The following EPS15 variants were observed in gnomAD, a reference collection of about 807,000 sequenced individuals.
The protein encoded by EPS15 is epidermal growth factor receptor substrate 15.
In EPS15, 72 loss-of-function variants were observed where a neutral mutation model predicts 113.8. That is an observed-to-expected ratio of 0.63 (90% CI 0.52 to 0.77). The LOEUF (loss-of-function observed/expected upper bound fraction) is 0.77, where lower values mean the gene tolerates loss of function less well. Among genes scored for constraint, EPS15 ranks in the 30% least tolerant of loss-of-function variants. The probability of loss-of-function intolerance (pLI) is 0.00; values close to 1 mark genes in which losing one functional copy is unlikely to be tolerated. For missense variants in EPS15, 1,048 were observed against 1,045.8 expected (o/e 1.00, Z -0.03); for synonymous variants, 344 against 363.4 (o/e 0.95, Z 0.61).
intron 1 of EPS15, among the ~76,000 whole-genome samples, chr1:51,482,969 CCA>C (rs1292208734): frequency 6.6e-6 from 1 of 152,194 alleles, no homozygotes. Context: ...GTTTCACTTT[CCA>C]CAGTTTTAGT....
chr1:51,476,594 CTTT>C (rs1355026649), intron 2 of EPS15, among the ~76,000 whole-genome samples: 1 of 151,984 alleles, frequency 6.6e-6, no homozygotes, highest in African/African-American at 2.4e-5. Context: ...CTCTTTTCTT[CTTT>C]ATTAGTCTTG....
chr1:51,493,472 C>T (rs1441585276), intron 1 of EPS15, among the ~76,000 whole-genome samples: 1 of 149,116 alleles, frequency 6.7e-6, no homozygotes, highest in South Asian at 2.2e-4. Flanking sequence ...TTGCAGTGAG[C>T]CGAGATCGCA....
intron 16 of EPS15, among the ~76,000 whole-genome samples, chr1:51,405,203 G>GA (rs1248385658): frequency 6.6e-6 from 1 of 152,194 alleles, no homozygotes; most frequent in Non-Finnish European, 1.5e-5. Context: ...CTGCTTGAAG[G>GA]AAAGACTGAG....
At chr1:51,460,072 C>G (rs1194238191) in intron 8 of EPS15, among the ~76,000 whole-genome samples, 1 of 151,926 alleles carries the variant, frequency 6.6e-6, no homozygotes, top group Non-Finnish European at 1.5e-5. Context: ...ATAAACTAGA[C>G]AAAATCAGAT....
intron 13 of EPS15, among the ~76,000 whole-genome samples, chr1:51,416,277 A>G (rs1447677138): frequency 6.6e-6 from 1 of 152,172 alleles, no homozygotes; most frequent in Non-Finnish European, 1.5e-5. Flanking sequence ...AGTGAATGAC[A>G]GAAGACATTT....
At chr1:51,507,877 G>A (rs1444868012) in intron 1 of EPS15, among the ~76,000 whole-genome samples, 2 of 151,878 alleles carry the variant, frequency 1.3e-5, no homozygotes, top group Non-Finnish European at 2.9e-5. Flanking sequence ...GAAGAATACT[G>A]GAAATGAAAA....
chr1:51,360,079 G>A lies in EPS15; in HGVS notation c.2544+1092C>T, dbSNP rs374862038. ...TGAGATTACAGGCGTGAGCCACCAC[G>A]CCCGGCCTGCATGCAGATTCTTGAC... On this transcript the variant is annotated intron_variant, in intron 24 of 24. Transcript: ENST00000371733. Among the ~76,000 whole-genome samples, 25 of 152,104 alleles carry A rather than the reference G, an allele frequency of 1.6e-4. 1 individual carries two copies. The East Asian group carries it at 3.1e-3, about 19-fold the overall frequency.
intron 12 of EPS15, among the ~76,000 whole-genome samples, chr1:51,433,155 A>C (rs190038421): frequency 6.6e-6 from 1 of 152,368 alleles, no homozygotes; most frequent in Non-Finnish European, 1.5e-5. Flanking sequence ...ATTTAGGAAC[A>C]CAGAATCTGG....
Position 51,403,410 on chromosome 1 carries a change from A to AT in EPS15, c.1791+8dup, listed in dbSNP as rs1387629450. 5 of 1,496,840 alleles carry AT rather than the reference A, an allele frequency of 3.3e-6. No homozygotes were observed. Among genetic ancestry groups the AT allele is most frequent in the African/African-American group, 1.4e-5 (1 of 72,342 alleles). 92.7% of individuals were successfully genotyped at this position (1,496,840 alleles called of 1,614,324 possible). ...AAGTCCCCAATGTAAATATAAAATC[A>AT]TTTTTTACCTCTTTTGAATGTCTAT... On this transcript the variant is annotated intron_variant, in intron 17 of 24. Transcript: ENST00000371733.
At chr1:51,453,321 A>G (rs1011214476) in intron 8 of EPS15, among the ~76,000 whole-genome samples, 6 of 152,350 alleles carry the variant, frequency 3.9e-5, no homozygotes, top group Non-Finnish European at 7.3e-5. Context: ...TTAAAAATAT[A>G]TATTATTAAT....
At chr1:51,423,183 T>TAGTGTTCCACTGCTGATTTA in intron 12 of EPS15, 3 of 1,287,072 alleles carry the variant, frequency 2.3e-6, no homozygotes. Flanking sequence ...TTTAAACATT[T>TAGTGTTCCACTGCTGATTTA]GAGATGGCCA....
At chr1:51,517,207 T>G (rs1644736441) in intron 1 of EPS15, among the ~76,000 whole-genome samples, 1 of 152,216 alleles carries the variant, frequency 6.6e-6, no homozygotes, top group African/African-American at 2.4e-5. Context: ...TGTTTTAAAA[T>G]CAGAATATTC....
chr1:51,369,685 G>A (rs1011165877), intron 21 of EPS15, among the ~76,000 whole-genome samples: 7 of 151,678 alleles, frequency 4.6e-5, no homozygotes, highest in Non-Finnish European at 7.4e-5. Flanking sequence ...ACGGTTTTTT[G>A]TGAAGGTGTA....
intron 11 of EPS15, among the ~76,000 whole-genome samples, chr1:51,442,127 GTTAAA>G (rs984010592): frequency 1.2e-4 from 19 of 152,166 alleles, no homozygotes; most frequent in African/African-American, 4.1e-4. Flanking sequence ...ACTTATCAGT[GTTAAA>G]TTAAATTAGA....
chr1:51,395,775 G>A (rs907423671), intron 20 of EPS15, among the ~76,000 whole-genome samples: 3 of 152,158 alleles, frequency 2.0e-5, no homozygotes, highest in African/African-American at 7.2e-5. Flanking sequence ...TTTTTAAGGG[G>A]CTAGATGAAA....
chr1:51,470,646 CAAAAA>C (rs10616476), intron 4 of EPS15, among the ~76,000 whole-genome samples: 1 of 72,990 alleles, frequency 1.4e-5, no homozygotes, highest in African/African-American at 4.4e-5. Flanking sequence ...GGCTCTGTCT[CAAAAA>C]AAAAAAAAAA....
intron 13 of EPS15, among the ~76,000 whole-genome samples, chr1:51,414,835 G>T (rs1650062051): frequency 1.3e-5 from 2 of 152,050 alleles, no homozygotes; most frequent in Non-Finnish European, 2.9e-5. Flanking sequence ...TGAATACAGA[G>T]GCATATACAG....
chr1:51,509,913 A>G (rs913118447), intron 1 of EPS15, among the ~76,000 whole-genome samples: 18 of 152,332 alleles, frequency 1.2e-4, no homozygotes, highest in Admixed American at 5.2e-4. Flanking sequence ...TTAAAAATGC[A>G]GACTCATTCA....
chr1:51,450,645 C>T (rs1653469680), intron 8 of EPS15, among the ~76,000 whole-genome samples: 1 of 151,730 alleles, frequency 6.6e-6, no homozygotes, highest in South Asian at 2.1e-4. Flanking sequence ...CAAATTGGTA[C>T]CACCCCTATG....
Sources: gnomAD v4.1 joint callset for allele counts (sites outside exome capture counted in the v4.1 genomes callset) on GRCh38, gnomAD v4.1.1 for gene constraint, MANE v1.5 for transcripts, NCBI Gene and HGNC (gene_info 2026-07-23, HGNC 2026-07-21) for gene names.